MICAL2: variants seen among roughly 807,000 people sequenced by gnomAD.
MICAL2 encodes the protein [F-actin]-monooxygenase MICAL2.
A neutral mutation model predicts 127.3 loss-of-function variants in MICAL2; 77 were observed. The ratio of observed to expected loss-of-function variants is 0.60; its 90% confidence interval spans 0.50 to 0.73. MICAL2 has a LOEUF of 0.73. Among genes scored for constraint, MICAL2 ranks in the 30% least tolerant of loss-of-function variants. The pLI is 0.00. For missense variants in MICAL2, 1,351 were observed against 1,434.4 expected, an observed-to-expected ratio of 0.94 and a Z score of 0.94; for synonymous variants, 570 against 551.1, an observed-to-expected ratio of 1.03 and a Z score of -0.48.
Position 12,164,632 on chromosome 11 carries a change from G to T in MICAL2, c.264+2213G>T, listed in dbSNP as rs145555772. Among the ~76,000 whole-genome samples, 876 of 152,152 alleles carry T rather than the reference G, an allele frequency of 5.8e-3. 8 individuals carry two copies. Among genetic ancestry groups the T allele is most frequent in the African/African-American group, 0.02 (823 of 41,488 alleles). On this transcript the variant is annotated intron_variant, in intron 3 of 27. Transcript: ENST00000683283. The stretch of plus-strand genomic sequence containing the variant: ...GAAGCCTCTCATTCACATCTTTATA[G>T]CTCCATTCCAAAAGGCTGGAATCTG...
downstream of MICAL2, among the ~76,000 whole-genome samples, chr11:12,264,505 T>C (rs1300295894): frequency 6.6e-6 from 1 of 152,224 alleles, no homozygotes; most frequent in African/African-American, 2.4e-5. Flanking sequence ...CAAAGTCATC[T>C]GGTCCTCAGC....
At chr11:12,250,332 A>G (rs1861374440) in intron 22 of MICAL2, 1 of 152,236 alleles carries the variant, frequency 6.6e-6, no homozygotes. Flanking sequence ...CAGGCATGCA[A>G]TGTGAAATAA....
chr11:12,318,295 G>A (rs1864253132), intron 29 of MICAL2, among the ~76,000 whole-genome samples: 1 of 152,212 alleles, frequency 6.6e-6, no homozygotes, highest in Non-Finnish European at 1.5e-5. Context: ...GAATTACTCA[G>A]TGGTCATTTA....
chr11:12,160,879 A>G (rs923508089), intron 2 of MICAL2, among the ~76,000 whole-genome samples: 1 of 152,304 alleles, frequency 6.6e-6, no homozygotes, highest in South Asian at 2.1e-4. Context: ...TAAGTAAGAG[A>G]TTAAGGAGGA....
chr11:12,320,122 A>G (rs1294164913), intron 30 of MICAL2, among the ~76,000 whole-genome samples: 1 of 152,208 alleles, frequency 6.6e-6, no homozygotes, highest in Non-Finnish European at 1.5e-5. Flanking sequence ...ACCATCGAAA[A>G]CATTACAACA....
At chr11:12,240,999 C>A (rs1425198022) in intron 17 of MICAL2, 41 bp from the exon 18 acceptor site, 2 of 1,607,494 alleles carry the variant, frequency 1.2e-6, no homozygotes, top group Non-Finnish European at 1.7e-6. Context: ...TCCTTCATGT[C>A]TCCTGTGGCT....
Position 12,239,492 on chromosome 11 carries a change from G to A in MICAL2, c.2121G>A (p.Lys707=). The A allele has an allele frequency of 2.5e-6, 4 of 1,614,242 alleles. No individual in the cohort carries two copies. The highest frequency in any genetic ancestry group is 3.4e-6 in the Non-Finnish European group (4 of 1,180,048). The change falls in exon 17 of 28, where the codon AAG becomes AAA. Residue 707 remains lysine, a synonymous_variant. Transcript: ENST00000683283. The part of the protein sequence containing the change: ...LGSNQECGSS[K]EGGNQNKVKS... ...CCAATCAAGAGTGTGGGAGCAGTAAGGAAGGTGGAAATCAGAACAAAGTCA... is the reference window on the plus strand; with the variant it reads ...CCAATCAAGAGTGTGGGAGCAGTAAAGAAGGTGGAAATCAGAACAAAGTCA...
At chr11:12,223,170 T>C (rs1320697383) in intron 11 of MICAL2, among the ~76,000 whole-genome samples, 1 of 152,204 alleles carries the variant, frequency 6.6e-6, no homozygotes, top group East Asian at 1.9e-4. Flanking sequence ...TAAAATTAGC[T>C]AATTACATAC....
intron 32 of MICAL2, among the ~76,000 whole-genome samples, chr11:12,332,691 G>A (rs12786630): frequency 0.66 from 99,684 of 152,040 alleles, 33,091 homozygotes; most frequent in Non-Finnish European, 0.71. Flanking sequence ...GCACCTGTGC[G>A]TGCAGTGAGT....
intron 2 of MICAL2, among the ~76,000 whole-genome samples, chr11:12,147,886 A>G (rs1853117285): frequency 6.6e-6 from 1 of 152,216 alleles, no homozygotes; most frequent in Non-Finnish European, 1.5e-5. Flanking sequence ...TCTATTCGGG[A>G]ACAGGCCCAG....
At chr11:12,292,072 C>G (rs1002759653), downstream of MICAL2, 1 of 1,521,802 alleles carries the variant, frequency 6.6e-7, no homozygotes, top group African/African-American at 1.4e-5. Context: ...TGGAGCTTCA[C>G]TTAAAGCCTC....
chr11:12,181,749 C>T (rs1857507957), intron 3 of MICAL2, among the ~76,000 whole-genome samples: 1 of 152,228 alleles, frequency 6.6e-6, no homozygotes, highest in African/African-American at 2.4e-5. Context: ...CAATAAATCG[C>T]AACTGCTATT....
chr11:12,262,316 C>T, intron 26 of MICAL2, 164 bp from the exon 27 acceptor site: 1 of 1,476,222 alleles, frequency 6.8e-7, no homozygotes, highest in Non-Finnish European at 8.9e-7. Context: ...TTCATCTCTC[C>T]TAAGCAAACA....
chr11:12,144,381 G>A (rs559324642), intron 2 of MICAL2, among the ~76,000 whole-genome samples: 5 of 152,052 alleles, frequency 3.3e-5, no homozygotes, highest in African/African-American at 7.2e-5. Context: ...CCATACCTTC[G>A]GGGCTCCCCT....
At chr11:12,218,052 A>G (rs1375086896) in intron 8 of MICAL2, among the ~76,000 whole-genome samples, 1 of 152,204 alleles carries the variant, frequency 6.6e-6, no homozygotes, top group Non-Finnish European at 1.5e-5. Context: ...GCCACACAGA[A>G]GGTGCCAAGT....
chr11:12,251,216 A>C (rs1861484777), intron 22 of MICAL2, among the ~76,000 whole-genome samples: 1 of 151,838 alleles, frequency 6.6e-6, no homozygotes, highest in Non-Finnish European at 1.5e-5. Flanking sequence ...GTCATTAGCC[A>C]CAGATAGTTT....
At chr11:12,234,990 C>A (rs1858827578) in intron 15 of MICAL2, among the ~76,000 whole-genome samples, 1 of 152,148 alleles carries the variant, frequency 6.6e-6, no homozygotes, top group Non-Finnish European at 1.5e-5. Flanking sequence ...GCGATGGAAG[C>A]CCCCTCTGAG....
At chr11:12,332,289 TG>T (rs1234027472) in intron 32 of MICAL2, among the ~76,000 whole-genome samples, 2 of 152,252 alleles carry the variant, frequency 1.3e-5, no homozygotes, top group Non-Finnish European at 2.9e-5. Flanking sequence ...TAGACATGGC[TG>T]GTTGCTGTGC....
At chr11:12,336,931 C>T (rs1393765061) in intron 32 of MICAL2, among the ~76,000 whole-genome samples, 1 of 152,078 alleles carries the variant, frequency 6.6e-6, no homozygotes, top group African/African-American at 2.4e-5. Context: ...TGTTGTGTCT[C>T]TACCAGGCTT....
Sources: gnomAD v4.1 joint callset for allele counts (sites outside exome capture counted in the v4.1 genomes callset) on GRCh38, gnomAD v4.1.1 for gene constraint, MANE v1.5 for transcripts, NCBI Gene and HGNC (gene_info 2026-07-23, HGNC 2026-07-21) for gene names.